Variants in HTT observed in about 807,000 individuals in gnomAD.
HTT encodes the protein huntington disease protein.
Under a neutral mutation model 362.3 loss-of-function variants are expected in HTT, and 104 were observed. The observed-to-expected ratio is 0.29, with a 90% confidence interval of 0.24 to 0.34. HTT has a LOEUF of 0.34. Ranked by LOEUF, HTT falls within the 10% of genes least tolerant of loss-of-function variation. The probability of loss-of-function intolerance (pLI) is 1.00; values close to 1 mark genes in which losing one functional copy is unlikely to be tolerated. For synonymous variants in HTT, 1,577 were observed against 1,548.7 expected, an observed-to-expected ratio of 1.02 and a Z score of -0.43; for missense variants, 3,301 against 3,928.6, an observed-to-expected ratio of 0.84 and a Z score of 4.27.
chr4:3,199,791 G>C lies in HTT; in HGVS notation c.5428G>C (p.Gly1810Arg). ...TRLFRSDGCG[G>R]SFYTLDSLNL... ...GCTGTTCCGCAGTGATGGCTGTGGC[G>C]GCAGTTTCTACACCCTGGACAGCTT... The change falls in exon 41 of 67, where the codon GGC (glycine) becomes CGC (arginine). Residue 1810 changes from glycine (G) to arginine (R), a missense_variant. Physicochemically the swap from Gly to Arg is moderately radical, Grantham distance 125 (BLOSUM62 -2). This residue lies in a region of HTT where 2,316 missense variants were observed against 2,658.5 expected (regional missense o/e 0.87). Transcript: ENST00000355072. 6.2e-7 allele frequency: 1 copy of C among 1,614,142 alleles called. No individual in the cohort carries two copies. The highest frequency in any genetic ancestry group is 8.5e-7 in the Non-Finnish European group (1 of 1,180,040).
chr4:3,074,925 CA>C lies in HTT; in HGVS notation c.101del (p.Gln34ArgfsTer67). On this transcript the variant is annotated frameshift_variant, in exon 1 of 67. Transcript: ENST00000355072. LOFTEE classifies it high-confidence loss of function. ...QQQQQQQQQQ[Q>X]QQQQPPPPPP... ...GCAGCAGCAGCAGCAGCAGCAGCAG[CA>C]GCAGCAGCAACAGCCGCCACCGCCG... The C allele has an allele frequency of 1.5e-6, 2 of 1,359,988 alleles. No homozygotes were observed. Among genetic ancestry groups the C allele is most frequent in the East Asian group, 5.7e-5 (2 of 34,898 alleles). 84.2% of individuals were successfully genotyped at this position (1,359,988 alleles called of 1,614,324 possible).
At chr4:3,166,373 G>A (rs1560576396) in intron 29 of HTT, among the ~76,000 whole-genome samples, 1 of 152,218 alleles carries the variant, frequency 6.6e-6, no homozygotes, top group Non-Finnish European at 1.5e-5. Context: ...GCTACATGGG[G>A]GTCAGGGACC....
At chr4:3,229,837 T>C in intron 59 of HTT, 50 bp from the exon 60 acceptor site, 1 of 1,600,834 alleles carries the variant, frequency 6.2e-7, no homozygotes, top group Admixed American at 1.7e-5. Flanking sequence ...GTTGCCTGGA[T>C]TCTAACAGCG....
rs760896983 is a variant in HTT, at chr4:3,199,790, C to T, written c.5427C>T (p.Gly1809=). The part of the protein sequence containing the change: ...ATRLFRSDGC[G]GSFYTLDSLN... ...GGCTGTTCCGCAGTGATGGCTGTGGCGGCAGTTTCTACACCCTGGACAGCT... is the reference window on the plus strand; with the variant it reads ...GGCTGTTCCGCAGTGATGGCTGTGGTGGCAGTTTCTACACCCTGGACAGCT... The change falls in exon 41 of 67, where the codon GGC becomes GGT. Residue 1809 remains glycine (G), a synonymous_variant. Transcript: ENST00000355072. The T allele has an allele frequency of 3.1e-5, 50 of 1,614,064 alleles. No individual in the cohort carries two copies. Among genetic ancestry groups the T allele is most frequent in the East Asian group, 6.7e-5 (3 of 44,896 alleles).
Position 3,223,498 on chromosome 4 carries a change from C to T in HTT, c.7563C>T (p.Asn2521=). Residue 2521 remains asparagine, a synonymous_variant, in exon 55 of 67, where the codon AAC becomes AAT. Transcript: ENST00000355072. ...LSAMTVPVAG[N]PAVSCLEQQP... is the part of the protein sequence containing the mutation. ...CAATGACTGTGCCTGTGGCCGGCAA[C>T]CCAGCTGTAAGCTGCTTGGAGCAGC... is the stretch of plus-strand genomic sequence containing the variant. 1 of 1,614,046 alleles carries T rather than the reference C, an allele frequency of 6.2e-7. No homozygotes were observed. Among genetic ancestry groups the T allele is most frequent in the African/African-American group, 1.3e-5 (1 of 75,064 alleles).
At chr4:3,203,980 T>G in intron 41 of HTT, 27 bp from the exon 42 acceptor site, 1 of 1,610,258 alleles carries the variant, frequency 6.2e-7, no homozygotes, top group Non-Finnish European at 8.5e-7. Context: ...CCAGAAACAT[T>G]GTCAATGCAT....
At chr4:3,202,861 T>A (rs1242106812) in intron 41 of HTT, 2 of 152,232 alleles carry the variant, frequency 1.3e-5, no homozygotes, top group East Asian at 3.9e-4. Context: ...AAAAAAAATT[T>A]AAAAATTACA....
chr4:3,230,739 G>A (rs569568099), intron 60 of HTT, among the ~76,000 whole-genome samples: 9 of 152,226 alleles, frequency 5.9e-5, no homozygotes, highest in South Asian at 2.1e-4. Context: ...GGGTCCTCAC[G>A]GTGGAAGGAG....
In HTT at chr4:3,212,644, A is replaced by C; in HGVS notation, c.6709A>C (p.Ser2237Arg). Residue 2237 changes from serine to arginine, a missense_variant, in exon 49 of 67, where the codon AGT becomes CGT. By Grantham distance (110) the Ser-to-Arg change is moderately radical. Around this residue, in one of 4 missense-constraint regions of HTT, gnomAD observed 220 missense variants for 218.5 expected, o/e 1.01. Transcript: ENST00000355072. ...QYLVVVSKLP[S>R]HLHLPPEKEK... Reference sequence around the variant, plus strand: ...CCTGGTGGTGGTCTCCAAACTGCCCAGTCATTTGCACCTTCCTCCTGAGAA... The same window carrying C: ...CCTGGTGGTGGTCTCCAAACTGCCCCGTCATTTGCACCTTCCTCCTGAGAA... 1 of 1,614,240 alleles carries C rather than the reference A, an allele frequency of 6.2e-7. No homozygotes were observed. The highest frequency in any genetic ancestry group is 8.5e-7 in the Non-Finnish European group (1 of 1,180,046).
Position 3,146,808 on chromosome 4 carries a change from T to TG in HTT, c.3156dup (p.Ser1053GlufsTer5). Reference sequence around the variant, plus strand: ...ATGTCTGCTTCCAGAGTGCCTCCACTGAGTGCCTCAGATGAGTCTAGGAAG... The same window carrying TG: ...ATGTCTGCTTCCAGAGTGCCTCCACTGGAGTGCCTCAGATGAGTCTAGGAAG... On this transcript the variant is annotated frameshift_variant, in exon 25 of 67. Transcript: ENST00000355072. LOFTEE classifies it high-confidence loss of function. The TG allele has an allele frequency of 6.2e-7, 1 of 1,614,086 alleles. No homozygotes were observed. The highest frequency in any genetic ancestry group is 1.3e-5 in the African/African-American group (1 of 75,066).
At position 3,209,837 on chromosome 4, in the gene HTT, T is replaced by C; in HGVS notation, c.6302T>C (p.Val2101Ala). ...TTTTTTTCTTCCCAGGACTGGTACG[T>C]TCATCTTGTCAAATCCCAGTGTTGG... is the stretch of plus-strand genomic sequence containing the variant. ...ETVSPDKDWY[V>A]HLVKSQCWTR... The change falls in exon 47 of 67, where the codon GTT becomes GCT. Residue 2101 changes from valine (V) to alanine (A), a missense_variant. This residue lies in a region of HTT where 2,316 missense variants were observed against 2,658.5 expected (regional missense o/e 0.87). Coordinates refer to ENST00000355072, the MANE Select transcript of HTT (RefSeq NM_001388492.1). The C allele has an allele frequency of 6.2e-7, 1 of 1,613,948 alleles. No individual in the cohort carries two copies. Among genetic ancestry groups the C allele is most frequent in the African/African-American group, 1.3e-5 (1 of 75,048 alleles).
At chr4:3,089,775 ATATAT>A (rs1458453219) in intron 2 of HTT, among the ~76,000 whole-genome samples, 3 of 152,188 alleles carry the variant, frequency 2.0e-5, no homozygotes, top group Non-Finnish European at 4.4e-5. Context: ...GCTTATATTC[ATATAT>A]TAGTAAAGTA....
intron 40 of HTT, among the ~76,000 whole-genome samples, chr4:3,191,213 G>A (rs997532545): frequency 1.4e-5 from 2 of 148,088 alleles, no homozygotes; most frequent in Admixed American, 1.4e-4. Flanking sequence ...CACTCTTGTT[G>A]CCCATCCTGG....
At chr4:3,131,845 T>G in intron 16 of HTT, 70 bp downstream of exon 16, 1 of 1,474,886 alleles carries the variant, frequency 6.8e-7, no homozygotes, top group Non-Finnish European at 9.3e-7. Context: ...CAGTATTGAC[T>G]ATTTTAGTTT....
At chr4:3,238,347 C>T in intron 64 of HTT, 100 bp from the exon 65 acceptor site, 1 of 843,094 alleles carries the variant, frequency 1.2e-6, no homozygotes, top group Non-Finnish European at 1.8e-6. Flanking sequence ...CCTGATTTCA[C>T]ATCGGCATTT....
chr4:3,214,245 G>A, intron 50 of HTT, 110 bp downstream of exon 50: 1 of 809,238 alleles, frequency 1.2e-6, no homozygotes, highest in Admixed American at 4.1e-5. Context: ...AATTGGGGAT[G>A]GAGAGGTAGA....
Position 3,132,695 on chromosome 4 carries a change from G to A in HTT, c.2370G>A (p.Trp790Ter). The part of the protein sequence containing the change: ...LSRSRFHVGD[W>*]MGTIRTLTGN... ...GGTCCCGCTTCCACGTGGGAGATTG[G>A]ATGGGCACCATTAGAACCCTCACAG... is the stretch of plus-strand genomic sequence containing the variant. The change falls in exon 17 of 67, where the codon TGG becomes TGA. Residue 790 changes from tryptophan (W) to a stop codon, truncating the protein, a stop_gained. Coordinates refer to ENST00000355072, the MANE Select transcript of HTT (RefSeq NM_001388492.1). LOFTEE classifies it high-confidence loss of function. 6.2e-7 allele frequency: 1 copy of A among 1,614,222 alleles called. No homozygotes were observed. The highest frequency in any genetic ancestry group is 8.5e-7 in the Non-Finnish European group (1 of 1,180,042).
intron 42 of HTT, among the ~76,000 whole-genome samples, 153 bp downstream of exon 42, chr4:3,204,301 C>G (rs909560157): frequency 3.9e-5 from 6 of 152,178 alleles, no homozygotes; most frequent in Non-Finnish European, 7.3e-5. Flanking sequence ...ATGTTTACTT[C>G]TGCTGTGACA....
chr4:3,210,011 T>A, intron 47 of HTT, 62 bp downstream of exon 47: 11 of 1,589,938 alleles, frequency 6.9e-6, no homozygotes, highest in Non-Finnish European at 8.6e-6. Context: ...CAAGTGGGAT[T>A]TGTCTCATCA....
Sources: allele counts gnomAD v4.1 joint callset (sites outside exome capture counted in the v4.1 genomes callset), GRCh38; gene constraint gnomAD v4.1.1; regional missense constraint gnomAD v4.1.1; transcripts MANE v1.5; gene names NCBI Gene and HGNC (gene_info 2026-07-23, HGNC 2026-07-21).